Variants in NAALADL2 observed in about 807,000 individuals in gnomAD.
NAALADL2 encodes N-acetylated alpha-linked acidic dipeptidase like 2, also known as inactive N-acetylated-alpha-linked acidic dipeptidase-like protein 2.
A neutral mutation model predicts 87.2 loss-of-function variants in NAALADL2; 76 were observed. The ratio of observed to expected loss-of-function variants is 0.87; its 90% CI spans 0.72 to 1.05. NAALADL2 has a LOEUF of 1.05. Ranked by LOEUF, NAALADL2 falls within the 50% of genes least tolerant of loss-of-function variation. The pLI, the probability that NAALADL2 is intolerant of heterozygous loss-of-function variation, is 0.00. For synonymous variants in NAALADL2, 354 were observed against 331.0 expected, an observed-to-expected ratio of 1.07 and a Z score of -0.75; for missense variants, 1,089 against 945.8, an observed-to-expected ratio of 1.15 and a Z score of -1.99.
At chr3:174,630,968 G>A (rs1272183324) in intron 2 of NAALADL2, among the ~76,000 whole-genome samples, 2 of 152,008 alleles carry the variant, frequency 1.3e-5, no homozygotes, top group Admixed American at 6.6e-5. Flanking sequence ...ATATTTTGCC[G>A]TACCTTTCAC....
chr3:175,048,203 A>G (rs561195630), intron 1 of NAALADL2, among the ~76,000 whole-genome samples: 9 of 151,824 alleles, frequency 5.9e-5, no homozygotes, highest in African/African-American at 2.2e-4. Flanking sequence ...AATGTCAGGT[A>G]AAGGATTTTT....
At chr3:174,762,429 A>T (rs1424261696) in intron 3 of NAALADL2, among the ~76,000 whole-genome samples, 3 of 148,424 alleles carry the variant, frequency 2.0e-5, no homozygotes, top group Non-Finnish European at 4.4e-5. Context: ...CTGGGATTAC[A>T]GGCGTGAGCC....
In NAALADL2 at chr3:174,475,583, C is replaced by T. The variant is rs552878549; in HGVS notation, c.-184+34551C>T. Among the ~76,000 whole-genome samples the T allele has an allele frequency of 2.6e-4, 39 of 151,946 alleles. 1 individual carries two copies. In the South Asian group the frequency reaches 3.5e-3, roughly 14 times the overall value. ...AAGAATCACATACTCTGAAATTCCACCATTAATCAAGCACTCATTCATTCT... is the reference window on the plus strand; with the variant it reads ...AAGAATCACATACTCTGAAATTCCATCATTAATCAAGCACTCATTCATTCT... On this transcript the variant is annotated intron_variant, in intron 1 of 3. Transcript: ENST00000434257.
intron 3 of NAALADL2, among the ~76,000 whole-genome samples, chr3:174,825,459 G>A (rs1721873138): frequency 6.6e-6 from 1 of 152,182 alleles, no homozygotes; most frequent in Admixed American, 6.5e-5. Context: ...GTTCTATCTA[G>A]GCCCTGGATG....
intron 9 of NAALADL2, among the ~76,000 whole-genome samples, chr3:175,550,110 A>G (rs1714092450): frequency 6.6e-6 from 1 of 152,120 alleles, no homozygotes; most frequent in Non-Finnish European, 1.5e-5. Context: ...TTTAAATCCT[A>G]AGTTTTCTTT....
chr3:175,016,766 T>A (rs1431739986), intron 1 of NAALADL2, among the ~76,000 whole-genome samples: 1 of 151,998 alleles, frequency 6.6e-6, no homozygotes, highest in Non-Finnish European at 1.5e-5. Context: ...TTCCTTAGAA[T>A]ATTTTCTTTT....
rs1347680809 is a variant in NAALADL2 at position 175,805,133 on chromosome 3, G to T, written c.*1930G>T. 1 of 151,850 alleles carries T rather than the reference G, an allele frequency of 6.6e-6. No homozygotes were observed. Among genetic ancestry groups the T allele is most frequent in the African/African-American group, 2.4e-5 (1 of 41,374 alleles). 9.4% of individuals were successfully genotyped at this position (151,850 alleles called of 1,614,324 possible). A position where few individuals can be genotyped will look rare whatever the true frequency, so the allele number is the denominator to read the frequency against. ...TAGAAAGCCTTATATTTAACCAAAG[G>T]TTGATGTGTTCATTCCAGTTATTCA... On this transcript the variant is annotated 3_prime_UTR_variant, in exon 14 of 14. Coordinates refer to ENST00000454872, the MANE Select transcript of NAALADL2 (RefSeq NM_207015.3).
chr3:174,602,501 T>C (rs1718551185), intron 2 of NAALADL2, among the ~76,000 whole-genome samples: 1 of 152,098 alleles, frequency 6.6e-6, no homozygotes, highest in Non-Finnish European at 1.5e-5. Flanking sequence ...TCAATTGTAA[T>C]AGTTTTCTTG....
At chr3:175,688,867 A>C (rs1736673953) in intron 11 of NAALADL2, among the ~76,000 whole-genome samples, 1 of 152,196 alleles carries the variant, frequency 6.6e-6, no homozygotes, top group South Asian at 2.1e-4. Flanking sequence ...TAATGTGTAA[A>C]GAGCAAGACC....
At chr3:174,925,871 A>C in intron 1 of NAALADL2, among the ~76,000 whole-genome samples, 1 of 152,236 alleles carries the variant, frequency 6.6e-6, no homozygotes, top group Non-Finnish European at 1.5e-5. Context: ...GACTTTGACG[A>C]GTTGAGAGAA....
At chr3:175,495,090 A>ATT (rs1482846281) in intron 9 of NAALADL2, among the ~76,000 whole-genome samples, 1 of 134,050 alleles carries the variant, frequency 7.5e-6, no homozygotes, top group Non-Finnish European at 1.6e-5. Context: ...ATATATATAT[A>ATT]TATTTTTTTT....
chr3:175,535,383 A>T (rs1734672729), intron 9 of NAALADL2, among the ~76,000 whole-genome samples: 1 of 152,140 alleles, frequency 6.6e-6, no homozygotes, highest in African/African-American at 2.4e-5. Flanking sequence ...CTGTCCTTTC[A>T]GCTTAACTCT....
intron 11 of NAALADL2, among the ~76,000 whole-genome samples, chr3:175,660,062 A>T (rs1449519823): frequency 2.6e-5 from 4 of 152,268 alleles, no homozygotes; most frequent in African/African-American, 4.8e-5. Context: ...GGCTTCAAAA[A>T]TGGTGCTTTC....
intron 9 of NAALADL2, among the ~76,000 whole-genome samples, chr3:175,514,725 TG>T (rs1390920959): frequency 3.9e-5 from 6 of 152,184 alleles, no homozygotes; most frequent in African/African-American, 1.2e-4. Flanking sequence ...ACAGAGTCTG[TG>T]GCAATTATTA....
At chr3:175,067,022 T>G (rs1714654732) in intron 1 of NAALADL2, among the ~76,000 whole-genome samples, 1 of 152,172 alleles carries the variant, frequency 6.6e-6, no homozygotes, top group African/African-American at 2.4e-5. Flanking sequence ...GAATCCTCAG[T>G]TTGCTAAAAG....
intron 2 of NAALADL2, among the ~76,000 whole-genome samples, chr3:174,567,534 A>G (rs1028906206): frequency 2.6e-5 from 4 of 151,568 alleles, no homozygotes; most frequent in Non-Finnish European, 4.4e-5. Context: ...CATACCTGTA[A>G]TTGTTTTGAG....
At chr3:175,677,425 T>A (rs1325898266) in intron 11 of NAALADL2, among the ~76,000 whole-genome samples, 1 of 151,658 alleles carries the variant, frequency 6.6e-6, no homozygotes, top group African/African-American at 2.4e-5. Context: ...TTATTATTAT[T>A]AAATTAAAAT....
intron 9 of NAALADL2, among the ~76,000 whole-genome samples, chr3:175,575,751 C>T (rs1718781363): frequency 6.6e-6 from 1 of 152,108 alleles, no homozygotes; most frequent in South Asian, 2.1e-4. Context: ...TCAAATTCAG[C>T]TTATGATAAA....
At chr3:175,550,749 C>T (rs992438910) in intron 9 of NAALADL2, among the ~76,000 whole-genome samples, 2 of 152,078 alleles carry the variant, frequency 1.3e-5, no homozygotes, top group Admixed American at 1.3e-4. Context: ...GGTTATTGAG[C>T]CAGTATTTCT....
Sources: allele counts gnomAD v4.1 joint callset (sites outside exome capture counted in the v4.1 genomes callset), GRCh38; gene constraint gnomAD v4.1.1; transcripts MANE v1.5; gene names NCBI Gene and HGNC (gene_info 2026-07-23, HGNC 2026-07-21).